Variants in RNF121 observed in about 807,000 individuals in gnomAD.
The protein encoded by RNF121 is E3 ubiquitin ligase RNF121.
RNF121 carries 21 observed loss-of-function variants against 46.5 expected under a neutral mutation model. That is an observed-to-expected ratio of 0.45 (90% CI 0.32 to 0.65). RNF121 has a LOEUF of 0.65. Among genes scored for constraint, RNF121 ranks in the 30% least tolerant of loss-of-function variants. The pLI is 0.04. For missense variants in RNF121, 346 were observed against 416.0 expected, an observed-to-expected ratio of 0.83 and a Z score of 1.46; for synonymous variants, 139 against 144.7, an observed-to-expected ratio of 0.96 and a Z score of 0.28.
chr11:71,988,652 A>AAAAAG (rs1554991905), intron 5 of RNF121, among the ~76,000 whole-genome samples: 5 of 150,236 alleles, frequency 3.3e-5, no homozygotes, highest in East Asian at 2.0e-4. Flanking sequence ...AAAAAAAAAA[A>AAAAAG]AAAGAAAGAA....
intron 4 of RNF121, among the ~76,000 whole-genome samples, chr11:71,985,142 G>A (rs779079554): frequency 1.2e-4 from 18 of 151,938 alleles, no homozygotes; most frequent in Non-Finnish European, 2.4e-4. Context: ...TCCTAGGCTG[G>A]TCTCGAACTC....
chr11:71,973,140 T>C (rs564366533), intron 3 of RNF121, among the ~76,000 whole-genome samples: 1 of 151,570 alleles, frequency 6.6e-6, no homozygotes, highest in Admixed American at 6.6e-5. Flanking sequence ...GAGCCGAGAC[T>C]GTGCCTTTGC....
chr11:71,957,376 G>T, intron 2 of RNF121, 112 bp downstream of exon 2: 1 of 775,512 alleles, frequency 1.3e-6, no homozygotes, highest in South Asian at 1.4e-5. Flanking sequence ...AGTGGCTCAT[G>T]ACCGGTAGGA....
chr11:71,979,143 G>C (rs768689391), intron 3 of RNF121, among the ~76,000 whole-genome samples: 7 of 152,166 alleles, frequency 4.6e-5, no homozygotes, highest in Non-Finnish European at 1.0e-4. Context: ...TGAGTGAGTG[G>C]GTGAACACTG....
At chr11:71,987,188 G>A (rs556334234) in intron 5 of RNF121, 77 bp downstream of exon 5, 40 of 969,984 alleles carry the variant, frequency 4.1e-5, no homozygotes, top group Middle Eastern at 4.1e-4. Context: ...GTTGCAAGTC[G>A]TGGTTATTAA....
At chr11:71,941,707 G>A (rs942634869) in intron 1 of RNF121, among the ~76,000 whole-genome samples, 3 of 152,186 alleles carry the variant, frequency 2.0e-5, no homozygotes, top group South Asian at 2.1e-4. Flanking sequence ...TAGCAATTTC[G>A]AGATTTGGAA....
chr11:71,976,345 C>CTTTTTTTTTT (rs35710756), intron 3 of RNF121, among the ~76,000 whole-genome samples: 1 of 46,080 alleles, frequency 2.2e-5, no homozygotes, highest in Non-Finnish European at 3.7e-5. Flanking sequence ...TGGGTATATT[C>CTTTTTTTTTT]TTTTTTTTTT....
At chr11:71,960,941 C>T (rs747949909) in intron 3 of RNF121, 50 bp downstream of exon 3, 1 of 1,594,042 alleles carries the variant, frequency 6.3e-7, no homozygotes, top group South Asian at 1.1e-5. Flanking sequence ...TCAAGAGACC[C>T]TTCCTAAGTA....
At chr11:71,985,239 T>C (rs1355976532) in intron 4 of RNF121, among the ~76,000 whole-genome samples, 1 of 152,206 alleles carries the variant, frequency 6.6e-6, no homozygotes, top group African/African-American at 2.4e-5. Context: ...AAAGCACTTT[T>C]GTGAACATCC....
intron 3 of RNF121, among the ~76,000 whole-genome samples, chr11:71,980,078 TG>T (rs1954615672): frequency 6.6e-6 from 1 of 152,200 alleles, no homozygotes; most frequent in Non-Finnish European, 1.5e-5. Flanking sequence ...AAATGACACC[TG>T]GGGCATTATT....
chr11:71,971,294 G>A (rs1954415464), intron 3 of RNF121, among the ~76,000 whole-genome samples: 1 of 152,168 alleles, frequency 6.6e-6, no homozygotes, highest in Non-Finnish European at 1.5e-5. Context: ...TGAGGTGGAA[G>A]GATCACTTGA....
At chr11:71,995,980 A>G (rs983238677) in intron 8 of RNF121, among the ~76,000 whole-genome samples, 5 of 151,988 alleles carry the variant, frequency 3.3e-5, no homozygotes, top group Non-Finnish European at 7.4e-5. Flanking sequence ...CTTTACCCCA[A>G]CAGACAGGCT....
chr11:71,977,467 A>G (rs1565157091), intron 3 of RNF121, among the ~76,000 whole-genome samples: 4 of 152,208 alleles, frequency 2.6e-5, no homozygotes, highest in African/African-American at 9.6e-5. Context: ...TTAAGAGGCA[A>G]TCCGTTTAAA....
At chr11:71,988,868 C>T (rs921730402) in intron 5 of RNF121, among the ~76,000 whole-genome samples, 2 of 151,994 alleles carry the variant, frequency 1.3e-5, no homozygotes, top group Admixed American at 1.3e-4. Context: ...AGTGAGAGTG[C>T]ACTCATGAAA....
At chr11:71,990,867 T>G in intron 6 of RNF121, 150 bp downstream of exon 6, 1 of 944,370 alleles carries the variant, frequency 1.1e-6, no homozygotes, top group Non-Finnish European at 1.6e-6. Context: ...CATTCCTTCC[T>G]TAAAGTTTGG....
At chr11:71,978,070 ATT>A (rs112341777) in intron 3 of RNF121, 191 of 265,076 alleles carry the variant, frequency 7.2e-4, no homozygotes, top group South Asian at 1.3e-3. Context: ...AATTTTTTGT[ATT>A]TTTTTTTTTT....
At chr11:71,994,006 A>G (rs1954920676) in intron 6 of RNF121, among the ~76,000 whole-genome samples, 1 of 151,706 alleles carries the variant, frequency 6.6e-6, no homozygotes, top group African/African-American at 2.4e-5. Context: ...ATGCCTGGCT[A>G]ATTTTTTGTA....
intron 3 of RNF121, among the ~76,000 whole-genome samples, chr11:71,968,735 TTATA>T (rs1222112211): frequency 6.6e-6 from 1 of 152,166 alleles, no homozygotes; most frequent in Non-Finnish European, 1.5e-5. Context: ...CTGTGCTCAG[TTATA>T]TTGTTTCCTT....
intron 1 of RNF121, among the ~76,000 whole-genome samples, chr11:71,931,713 A>G (rs1287855053): frequency 6.6e-6 from 1 of 152,178 alleles, no homozygotes; most frequent in African/African-American, 2.4e-5. Context: ...GCAGTGGGGC[A>G]CAAGAGATCA....
Sources: allele counts gnomAD v4.1 joint callset (sites outside exome capture counted in the v4.1 genomes callset), GRCh38; gene constraint gnomAD v4.1.1; transcripts MANE v1.5; gene names NCBI Gene and HGNC (gene_info 2026-07-23, HGNC 2026-07-21).